Variants in MAMLD1 observed in about 807,000 individuals in gnomAD.
The protein encoded by MAMLD1 is mastermind like domain containing 1.
A neutral mutation model predicts 45.0 loss-of-function variants in MAMLD1; 14 were observed. That is an observed-to-expected ratio of 0.31 (90% CI 0.21 to 0.49). The LOEUF is 0.49. Ranked by LOEUF, MAMLD1 falls within the 20% of genes least tolerant of loss-of-function variation. The probability of loss-of-function intolerance (pLI) is 0.99; values close to 1 mark genes in which losing one functional copy is unlikely to be tolerated. For synonymous variants in MAMLD1, 254 were observed against 247.8 expected, an observed-to-expected ratio of 1.02 and a Z score of -0.24; for missense variants, 543 against 603.6, an observed-to-expected ratio of 0.90 and a Z score of 1.05.
rs782108982 is a variant in MAMLD1 at position 150,503,331 on chromosome X, G to A, written c.2098G>A (p.Gly700Arg). 1.9e-5 allele frequency: 23 copies of A among 1,210,893 alleles called. No individual in the cohort carries two copies. In the Admixed American group the frequency reaches 2.6e-4, roughly 14 times the overall value. Residue 700 changes from glycine to arginine, a missense_variant, in exon 6 of 8, where the codon GGG becomes AGG. Transcript: ENST00000370401. ...GEARHPQVSLGRQPPSCQALG... is the reference protein window; with the variant it reads ...GEARHPQVSLRRQPPSCQALG... ...AGCCAGGCACCCCCAGGTCAGCCTC[G>A]GGCGACAGCCCCCGTCCTGCCAGGC...
intron 1 of MAMLD1, among the ~76,000 whole-genome samples, chrX:150,404,239 T>G (rs2033945145): frequency 8.9e-6 from 1 of 112,125 alleles, no homozygotes; most frequent in Non-Finnish European, 1.9e-5. Context: ...AGGTCCACTG[T>G]ATTCATTGGA....
In MAMLD1 at chrX:150,513,082, A is replaced by T. The variant is rs1287071195; in HGVS notation, c.*1123A>T. ...ATGCTGGGGCACTTTAAATCTGAGC[A>T]GGATGCCCATAGAAACCCCCATGGT... On this transcript the variant is annotated 3_prime_UTR_variant, in exon 8 of 8. Transcript: ENST00000370401. The T allele has an allele frequency of 8.8e-7, 1 of 1,139,239 alleles. No homozygotes were observed. The highest frequency in any genetic ancestry group is 1.8e-5 in the African/African-American group (1 of 55,842). 93.9% of individuals were successfully genotyped at this position (1,139,239 alleles called of 1,213,427 possible).
At chrX:150,396,415 A>G (rs979085928) in intron 1 of MAMLD1, among the ~76,000 whole-genome samples, 6 of 110,699 alleles carry the variant, frequency 5.4e-5, no homozygotes, top group Non-Finnish European at 1.1e-4. Context: ...TATATTTTCA[A>G]CTTCTCCTGA....
intron 1 of MAMLD1, among the ~76,000 whole-genome samples, chrX:150,410,029 G>A (rs1187771938): frequency 1.8e-5 from 2 of 111,758 alleles, no homozygotes; most frequent in Non-Finnish European, 3.8e-5. Context: ...CTAGGAACTG[G>A]GTGTGTTCCT....
Position 150,394,129 on chromosome X carries a change from C to CTTTTTTTTTTTTTTTTTTTTTTTTTTT in MAMLD1, c.-64+30624_-64+30625insTTTTTTTTTTTTTTTTTTTTTTTTTTT, listed in dbSNP as rs781904160. The stretch of plus-strand genomic sequence containing the variant: ...GGGGTGTAAGGTCTATATCTACATC[C>CTTTTTTTTTTTTTTTTTTTTTTTTTTT]TTTTTTTTTTTTTTTTTTTTTTTTT... On this transcript the variant is annotated intron_variant, in intron 1 of 7. Transcript: ENST00000370401. Among the ~76,000 whole-genome samples the CTTTTTTTTTTTTTTTTTTTTTTTTTTT allele has an allele frequency of 1.5e-3, 18 of 12,262 alleles. 4 individuals carry two copies. Among genetic ancestry groups the CTTTTTTTTTTTTTTTTTTTTTTTTTTT allele is most frequent in the African/African-American group, 1.4e-3 (4 of 2,776 alleles). 10.6% of individuals were successfully genotyped at this position (12,262 alleles called of 115,157 possible). A position where few individuals can be genotyped will look rare whatever the true frequency, so the allele number is the denominator to read the frequency against.
intron 1 of MAMLD1, among the ~76,000 whole-genome samples, chrX:150,398,249 AAGG>A (rs2033513774): frequency 3.6e-5 from 3 of 82,562 alleles, no homozygotes; most frequent in Non-Finnish European, 7.0e-5. Context: ...GAAGGAGGAG[AAGG>A]AGAAGAAGAA....
Position 150,513,740 on chromosome X carries a change from T to C in MAMLD1, c.*1781T>C, listed in dbSNP as rs190523343. 62 of 295,510 alleles carry C rather than the reference T, an allele frequency of 2.1e-4. No homozygotes were observed. In the East Asian group the frequency reaches 2.3e-3, roughly 11 times the overall value. 24.4% of individuals were successfully genotyped at this position (295,510 alleles called of 1,213,427 possible). ...ATTTGGGAGAGGCGCAGAGACAGTGTGTGAGCCGAGCCCTGTCTCAGCAAT... is the reference window on the plus strand; with the variant it reads ...ATTTGGGAGAGGCGCAGAGACAGTGCGTGAGCCGAGCCCTGTCTCAGCAAT... On this transcript the variant is annotated 3_prime_UTR_variant, in exon 8 of 8. Transcript: ENST00000370401.
At chrX:150,427,056 C>G (rs2034729887) in intron 1 of MAMLD1, among the ~76,000 whole-genome samples, 2 of 111,417 alleles carry the variant, frequency 1.8e-5, no homozygotes, top group African/African-American at 3.3e-5. Context: ...CTTGAGGCAG[C>G]AGAGCTCCAA....
rs182749727 is a variant in MAMLD1 at position 150,449,641 on chromosome X, G to A, written c.96+4029G>A. Among the ~76,000 whole-genome samples the A allele has an allele frequency of 9.9e-5, 11 of 111,565 alleles. No homozygotes were observed. In the Admixed American group the frequency reaches 1.0e-3, roughly 11 times the overall value. On this transcript the variant is annotated intron_variant, in intron 2 of 7. Transcript: ENST00000370401. ...AAGCTCTTTGTGAGATTTTGAGCAG[G>A]TTTCTTTCTTCTTGAGGTCAGAGGG...
intron 6 of MAMLD1, among the ~76,000 whole-genome samples, chrX:150,508,833 T>C (rs952054137): frequency 1.8e-5 from 2 of 111,808 alleles, no homozygotes; most frequent in East Asian, 5.6e-4. Context: ...AGAGCTGCCT[T>C]GGTGGTTGAG....
At chrX:150,426,514 C>T (rs7879640) in intron 1 of MAMLD1, among the ~76,000 whole-genome samples, 2 of 112,252 alleles carry the variant, frequency 1.8e-5, no homozygotes, top group African/African-American at 3.2e-5. Context: ...GCCCCTGTAC[C>T]ACAGTTTTGT....
rs182613299 is a variant in MAMLD1 at position 150,384,794 on chromosome X, T to A, written c.-64+21264T>A. Among the ~76,000 whole-genome samples, 230 of 112,079 alleles carry A rather than the reference T, an allele frequency of 2.1e-3. 2 individuals are homozygous for A. The highest frequency in any genetic ancestry group is 0.017 in the South Asian group (45 of 2,692). ...TTTTGAGTTTTTAAATTTTAAAATG[T>A]TTAGTTAATAAAAATTGTGTATATT... is the stretch of plus-strand genomic sequence containing the variant. On this transcript the variant is annotated intron_variant, in intron 1 of 7. Transcript: ENST00000370401.
At chrX:150,409,170 T>C (rs1324394006) in intron 1 of MAMLD1, among the ~76,000 whole-genome samples, 1 of 111,740 alleles carries the variant, frequency 8.9e-6, no homozygotes, top group Admixed American at 9.4e-5. Context: ...GAGGATTCCA[T>C]TTCTCTTGGA....
At chrX:150,486,817 G>A (rs1168087223) in intron 5 of MAMLD1, among the ~76,000 whole-genome samples, 1 of 111,985 alleles carries the variant, frequency 8.9e-6, no homozygotes, top group East Asian at 2.8e-4. Context: ...TTTCAATTGG[G>A]AAAGAGGAAG....
chrX:150,389,086 G>A (rs1557402115), intron 1 of MAMLD1, among the ~76,000 whole-genome samples: 4 of 109,447 alleles, frequency 3.7e-5, no homozygotes, highest in African/African-American at 6.7e-5. Flanking sequence ...TCACTCTGTC[G>A]CCCAGGCTGA....
At chrX:150,379,401 G>C (rs781810438) in intron 1 of MAMLD1, among the ~76,000 whole-genome samples, 37 of 112,027 alleles carry the variant, frequency 3.3e-4, no homozygotes, top group Admixed American at 2.8e-4. Context: ...CTTTTCGTAA[G>C]AGTGAATCCT....
intron 1 of MAMLD1, among the ~76,000 whole-genome samples, chrX:150,398,076 C>G (rs781836546): frequency 9.2e-6 from 1 of 108,453 alleles, no homozygotes; most frequent in Non-Finnish European, 1.9e-5. Flanking sequence ...TTGCTCAGCA[C>G]CCACTCCACC....
chrX:150,504,428 G>A, intron 6 of MAMLD1: 1 of 753,503 alleles, frequency 1.3e-6, no homozygotes, highest in Non-Finnish European at 1.6e-6. Flanking sequence ...GTACAGCCTT[G>A]TTCTCTTTAT....
intron 1 of MAMLD1, among the ~76,000 whole-genome samples, chrX:150,399,325 G>A (rs1380644455): frequency 1.3e-4 from 14 of 111,863 alleles, no homozygotes; most frequent in African/African-American, 4.6e-4. Flanking sequence ...ACAGAGATGC[G>A]GGCTGGAATC....
Sources: allele counts gnomAD v4.1 joint callset (sites outside exome capture counted in the v4.1 genomes callset), GRCh38; gene constraint gnomAD v4.1.1; transcripts MANE v1.5; gene names NCBI Gene and HGNC (gene_info 2026-07-23, HGNC 2026-07-21).